The following NOTCH2NLR variants were observed in gnomAD, a reference collection of about 807,000 sequenced individuals.
NOTCH2NLR encodes the protein notch 2 N-terminal like R (pseudogene).
Under a neutral mutation model 35.6 loss-of-function variants are expected in NOTCH2NLR, and 33 were observed. The observed-to-expected ratio is 0.93, with a 90% confidence interval of 0.70 to 1.24. The LOEUF (loss-of-function observed/expected upper bound fraction) is 1.24, where lower values mean the gene tolerates loss of function less well. NOTCH2NLR is among the 50% of genes most tolerant of loss of function. The pLI is 0.00. For missense variants in NOTCH2NLR, 276 were observed against 362.2 expected (o/e 0.76, Z 1.93); for synonymous variants, 103 against 141.0 (o/e 0.73, Z 1.91).
chr1:120,793,620 G>A lies in NOTCH2NLR; in HGVS notation c.751+124G>A, dbSNP rs1165176017. On this transcript the variant is annotated intron_variant, in intron 4 of 4. Coordinates refer to ENST00000624419, the Ensembl canonical transcript of NOTCH2NLR. ...AAGGGAAGTGAGAATTTTGTGTGGGGTGGGTTGCTAGTGAGGGAGGAGTTT... is the reference window on the plus strand; with the variant it reads ...AAGGGAAGTGAGAATTTTGTGTGGGATGGGTTGCTAGTGAGGGAGGAGTTT... 5.6e-5 allele frequency: 40 copies of A among 717,880 alleles called. 13 individuals are homozygous for A. In the Admixed American group the frequency reaches 7.1e-4, roughly 13 times the overall value. 44.5% of individuals were successfully genotyped at this position (717,880 alleles called of 1,614,324 possible).
rs1196751938 is a variant in NOTCH2NLR at position 120,790,277 on chromosome 1, G to A, written c.416-2884G>A. ...GATCCACCCGCCTCGGCCTCCCAAA[G>A]TGCTGGGATTACAGGTGTGAGCCAC... is the stretch of plus-strand genomic sequence containing the variant. On this transcript the variant is annotated intron_variant, in intron 3 of 4. Transcript: ENST00000624419. Among the ~76,000 whole-genome samples, 14 of 110,112 alleles carry A rather than the reference G, an allele frequency of 1.3e-4. 3 individuals carry two copies. Among genetic ancestry groups the A allele is most frequent in the Non-Finnish European group, 1.9e-4 (11 of 58,618 alleles). 72.2% of individuals were successfully genotyped at this position (110,112 alleles called of 152,430 possible).
In NOTCH2NLR at chr1:120,729,801, A is replaced by G. The variant is rs1405916947; in HGVS notation, c.73+5551A>G. Among the ~76,000 whole-genome samples the G allele has an allele frequency of 9.6e-5, 11 of 115,180 alleles. 2 individuals carry two copies. The highest frequency in any genetic ancestry group is 5.7e-4 in the African/African-American group (11 of 19,418). The allele number at this position is 115,180 out of a possible 152,430, so 75.6% of individuals were successfully genotyped here. A position where few individuals can be genotyped will look rare whatever the true frequency, so the allele number is the denominator to read the frequency against. ...TGTCATCTGGGAATTTGTGTGTTCA[A>G]GAAATAGCCAGGTGATTCTTACATT... On this transcript the variant is annotated intron_variant, in intron 1 of 4. Transcript: ENST00000624419.
intron 2 of NOTCH2NLR, among the ~76,000 whole-genome samples, chr1:120,778,305 G>C (rs1391861469): frequency 7.3e-5 from 5 of 68,746 alleles, no homozygotes; most frequent in Admixed American, 2.8e-4. Context: ...CTGCGGATTG[G>C]GGGGCCAAGA....
At chr1:120,779,108 C>CTGTT (rs1363822709) in intron 2 of NOTCH2NLR, among the ~76,000 whole-genome samples, 1 of 41,262 alleles carries the variant, frequency 2.4e-5, no homozygotes, top group East Asian at 5.1e-4. Context: ...TTGTTTTTCT[C>CTGTT]TGTTTTCTTC....
Position 120,792,454 on chromosome 1 carries a change from A to C in NOTCH2NLR, c.416-707A>C, listed in dbSNP as rs1200390168. 3.1e-5 allele frequency among the ~76,000 whole-genome samples: 3 copies of C among 95,942 alleles called. 1 individual carries two copies. The highest frequency in any genetic ancestry group is 1.9e-5 in the Non-Finnish European group (1 of 52,400). The allele number at this position is 95,942 out of a possible 152,430, so 62.9% of individuals were successfully genotyped here. On this transcript the variant is annotated intron_variant, in intron 3 of 4. Coordinates refer to ENST00000624419, the Ensembl canonical transcript of NOTCH2NLR. ...GACTTTACAGAGGTTGGAACTTTTG[A>C]GTACAGTTGCCAAGATAGGGAGAGT...
In NOTCH2NLR at chr1:120,764,198, G is replaced by C. The variant is rs1376206447; in HGVS notation, c.155+489G>C. Among the ~76,000 whole-genome samples, 125 of 115,366 alleles carry C rather than the reference G, an allele frequency of 1.1e-3. 29 individuals carry two copies. The highest frequency in any genetic ancestry group is 5.7e-3 in the African/African-American group (116 of 20,400). The allele number at this position is 115,366 out of a possible 152,430, so 75.7% of individuals were successfully genotyped here. A position where few individuals can be genotyped will look rare whatever the true frequency, so the allele number is the denominator to read the frequency against. ...GGAGGCGGAGGTTGCAGTGAGCTGAGACCACATCATTGCACTCTAGCCTGG... is the reference window on the plus strand; with the variant it reads ...GGAGGCGGAGGTTGCAGTGAGCTGACACCACATCATTGCACTCTAGCCTGG... On this transcript the variant is annotated intron_variant, in intron 2 of 4. Coordinates refer to ENST00000624419, the Ensembl canonical transcript of NOTCH2NLR.
At chr1:120,758,596 C>T (rs1475258962) in intron 1 of NOTCH2NLR, among the ~76,000 whole-genome samples, 22 of 104,328 alleles carry the variant, frequency 2.1e-4, no homozygotes, top group Non-Finnish European at 3.4e-4. Context: ...CTTGACTTTT[C>T]TCAAACATAA....
intron 2 of NOTCH2NLR, among the ~76,000 whole-genome samples, chr1:120,783,828 C>T (rs1651393021): frequency 9.0e-6 from 1 of 110,750 alleles, no homozygotes; most frequent in South Asian, 2.7e-4. Flanking sequence ...CAGAGGGAGT[C>T]ATAGAAGCCA....
At position 120,754,753 on chromosome 1, in the gene NOTCH2NLR, T is replaced by A. The variant is rs1174431991; in HGVS notation, c.74-8875T>A. Among the ~76,000 whole-genome samples, 4 of 116,262 alleles carry A rather than the reference T, an allele frequency of 3.4e-5. 2 individuals carry two copies. Among genetic ancestry groups the A allele is most frequent in the African/African-American group, 2.0e-4 (4 of 19,766 alleles). 76.3% of individuals were successfully genotyped at this position (116,262 alleles called of 152,430 possible). A position where few individuals can be genotyped will look rare whatever the true frequency, so the allele number is the denominator to read the frequency against. On this transcript the variant is annotated intron_variant, in intron 1 of 4. Coordinates refer to ENST00000624419, the Ensembl canonical transcript of NOTCH2NLR. The stretch of plus-strand genomic sequence containing the variant: ...TAGGAGGCTAAGAGTGGAGAGTGTA[T>A]CTTCCTTCAAACAAATGGTAAGAAA...
At chr1:120,770,499 CT>C (rs1467162519) in intron 2 of NOTCH2NLR, among the ~76,000 whole-genome samples, 1 of 115,356 alleles carries the variant, frequency 8.7e-6, no homozygotes, top group Non-Finnish European at 1.6e-5. Flanking sequence ...GCCAGATAGA[CT>C]TAAGTTTGAG....
chr1:120,724,367 G>A lies in NOTCH2NLR; in HGVS notation c.73+117G>A, dbSNP rs2101332413. 4 of 1,350,256 alleles carry A rather than the reference G, an allele frequency of 3.0e-6. 1 individual carries two copies. Among genetic ancestry groups the A allele is most frequent in the South Asian group, 2.7e-5 (2 of 75,284 alleles). 83.6% of individuals were successfully genotyped at this position (1,350,256 alleles called of 1,614,324 possible). A position where few individuals can be genotyped will look rare whatever the true frequency, so the allele number is the denominator to read the frequency against. On this transcript the variant is annotated intron_variant, in intron 1 of 4. Transcript: ENST00000624419. ...GGCCAGGCTCGGCCGCCGGCGCGGAGTGAGGCCACTCGCTGGGTTCCCAAG... is the reference window on the plus strand; with the variant it reads ...GGCCAGGCTCGGCCGCCGGCGCGGAATGAGGCCACTCGCTGGGTTCCCAAG...
intron 3 of NOTCH2NLR, among the ~76,000 whole-genome samples, chr1:120,791,450 T>G (rs1181925307): frequency 9.6e-6 from 1 of 104,708 alleles, no homozygotes; most frequent in Non-Finnish European, 1.8e-5. Context: ...ATATACACCA[T>G]GGAATACTAT....
chr1:120,755,943 T>TGG (rs1557981796), intron 1 of NOTCH2NLR, among the ~76,000 whole-genome samples: 4 of 97,192 alleles, frequency 4.1e-5, no homozygotes, highest in African/African-American at 1.4e-4. Flanking sequence ...CTTTTTTTTT[T>TGG]TTTTTTTTTT....
intron 2 of NOTCH2NLR, among the ~76,000 whole-genome samples, chr1:120,777,971 C>T (rs1651317048): frequency 1.2e-5 from 1 of 83,302 alleles, no homozygotes; most frequent in Admixed American, 1.2e-4. Flanking sequence ...ATTCTATAGG[C>T]TCTGGGGTAC....
chr1:120,778,324 G>A lies in NOTCH2NLR; in HGVS notation c.156-6650G>A, dbSNP rs1189334957. 2.3e-4 allele frequency among the ~76,000 whole-genome samples: 19 copies of A among 81,102 alleles called. 2 individuals are homozygous for A. In the South Asian group the frequency reaches 5.5e-3, roughly 23 times the overall value. The allele number at this position is 81,102 out of a possible 152,430, so 53.2% of individuals were successfully genotyped here. A position where few individuals can be genotyped will look rare whatever the true frequency, so the allele number is the denominator to read the frequency against. On this transcript the variant is annotated intron_variant, in intron 2 of 4. Coordinates refer to ENST00000624419, the Ensembl canonical transcript of NOTCH2NLR. ...GGATTGGGGGGCCAAGAGGCCCAGCGCAAGAAGAAAGTGGGTTGAAAGCAG... is the reference window on the plus strand; with the variant it reads ...GGATTGGGGGGCCAAGAGGCCCAGCACAAGAAGAAAGTGGGTTGAAAGCAG...
In NOTCH2NLR at chr1:120,764,332, CT is replaced by C. The variant is rs1229125001; in HGVS notation, c.155+625del. Among the ~76,000 whole-genome samples, 59 of 102,914 alleles carry C rather than the reference CT, an allele frequency of 5.7e-4. 17 individuals carry two copies. The highest frequency in any genetic ancestry group is 3.5e-3 in the African/African-American group (57 of 16,452). 67.5% of individuals were successfully genotyped at this position (102,914 alleles called of 152,430 possible). A position where few individuals can be genotyped will look rare whatever the true frequency, so the allele number is the denominator to read the frequency against. On this transcript the variant is annotated intron_variant, in intron 2 of 4. Coordinates refer to ENST00000624419, the Ensembl canonical transcript of NOTCH2NLR. ...TTAAGGCATACTCTTAGAGTCTCCC[CT>C]TAACATGTTACCTATTATCTTGTTT...
In NOTCH2NLR at chr1:120,789,525, T is replaced by G. The variant is rs1302302179; in HGVS notation, c.416-3636T>G. On this transcript the variant is annotated intron_variant, in intron 3 of 4. Coordinates refer to ENST00000624419, the Ensembl canonical transcript of NOTCH2NLR. Reference sequence around the variant, plus strand: ...CAGAACCCCTGAGGAACCCATCAGATCTCATGAGACTTATTCACTATCATG... The same window carrying G: ...CAGAACCCCTGAGGAACCCATCAGAGCTCATGAGACTTATTCACTATCATG... 3.7e-4 allele frequency among the ~76,000 whole-genome samples: 41 copies of G among 111,190 alleles called. 16 individuals carry two copies. Among genetic ancestry groups the G allele is most frequent in the African/African-American group, 2.1e-3 (38 of 18,016 alleles). The allele number at this position is 111,190 out of a possible 152,430, so 72.9% of individuals were successfully genotyped here. A position where few individuals can be genotyped will look rare whatever the true frequency, so the allele number is the denominator to read the frequency against.
chr1:120,727,870 C>T (rs1650832974), intron 1 of NOTCH2NLR, among the ~76,000 whole-genome samples: 1 of 117,730 alleles, frequency 8.5e-6, no homozygotes, highest in Non-Finnish European at 1.6e-5. Flanking sequence ...TGTCAGCCTA[C>T]CATATGTGTA....
rs1488522091 is a variant in NOTCH2NLR at position 120,789,904 on chromosome 1, C to T, written c.416-3257C>T. Among the ~76,000 whole-genome samples the T allele has an allele frequency of 5.7e-5, 4 of 69,638 alleles. 1 individual carries two copies. The highest frequency in any genetic ancestry group is 7.2e-4 in the South Asian group (2 of 2,760). 45.7% of individuals were successfully genotyped at this position (69,638 alleles called of 152,430 possible). ...CTGGCTAGTGGAAATGACAGTAATG[C>T]CTTCTTCATAATTAAAATGTCACTC... On this transcript the variant is annotated intron_variant, in intron 3 of 4. Coordinates refer to ENST00000624419, the Ensembl canonical transcript of NOTCH2NLR.
Sources: allele counts gnomAD v4.1 joint callset (sites outside exome capture counted in the v4.1 genomes callset), GRCh38; gene constraint gnomAD v4.1.1; transcripts MANE v1.5; gene names NCBI Gene and HGNC (gene_info 2026-07-23, HGNC 2026-07-21).